GPR137B: variants seen among roughly 807,000 people sequenced by gnomAD.
GPR137B encodes G protein-coupled receptor 137B.
A neutral mutation model predicts 42.5 loss-of-function variants in GPR137B; 42 were observed. That is an observed-to-expected ratio of 0.99 (90% confidence interval 0.77 to 1.28). The LOEUF (loss-of-function observed/expected upper bound fraction) is 1.28. Ranked by LOEUF, GPR137B falls within the 50% of genes most tolerant of loss-of-function variation. GPR137B has a pLI of 0.00. For synonymous variants in GPR137B, 218 were observed against 209.7 expected (o/e 1.04, Z -0.34); for missense variants, 487 against 493.9 (o/e 0.99, Z 0.13).
intron 6 of GPR137B, among the ~76,000 whole-genome samples, chr1:236,206,429 T>C (rs901722624): frequency 6.6e-6 from 1 of 152,242 alleles, no homozygotes; most frequent in Admixed American, 6.5e-5. Context: ...GCTTATGTTA[T>C]ACTTTCACGT....
chr1:236,207,356 G>A (rs576749746), intron 6 of GPR137B: 1 of 689,400 alleles, frequency 1.5e-6, no homozygotes, highest in East Asian at 1.3e-4. Context: ...CTCAGATTCT[G>A]AGCTCCACCT....
intron 1 of GPR137B, among the ~76,000 whole-genome samples, chr1:236,145,835 T>A (rs944197564): frequency 2.0e-5 from 3 of 152,232 alleles, no homozygotes; most frequent in Non-Finnish European, 4.4e-5. Flanking sequence ...ACATCTGTGC[T>A]GTCTGAGTGT....
chr1:236,171,288 T>C lies in GPR137B; in HGVS notation c.464+2533T>C, dbSNP rs1186239025. 6.6e-6 allele frequency among the ~76,000 whole-genome samples: 1 copy of C among 152,164 alleles called. No homozygotes were observed. Among genetic ancestry groups the C allele is most frequent in the Admixed American group, 6.5e-5 (1 of 15,274 alleles). ...TTTTGGGTTAGGGATGGTCAACCTG[T>C]ATAAAGTACAAGTAGACAGTTCCCT... On this transcript the variant is annotated intron_variant, in intron 2 of 6. Coordinates refer to ENST00000366592, the MANE Select transcript of GPR137B (RefSeq NM_003272.4). The surrounding 1 kb of genome is among the most constrained non-coding windows in gnomAD (Gnocchi z 4.4).
chr1:236,160,394 T>A (rs1662152883), intron 1 of GPR137B, among the ~76,000 whole-genome samples: 1 of 151,866 alleles, frequency 6.6e-6, no homozygotes, highest in Non-Finnish European at 1.5e-5. Context: ...TTCCCCGGGG[T>A]CCCTGTCATT....
At position 236,150,993 on chromosome 1, in the gene GPR137B, C is replaced by T. The variant is rs1253969513; in HGVS notation, c.414+7957C>T. 6.6e-6 allele frequency among the ~76,000 whole-genome samples: 1 copy of T among 152,180 alleles called. No homozygotes were observed. The highest frequency in any genetic ancestry group is 1.5e-5 in the Non-Finnish European group (1 of 68,038). On this transcript the variant is annotated intron_variant, in intron 1 of 6. Coordinates refer to ENST00000366592, the MANE Select transcript of GPR137B (RefSeq NM_003272.4). This position sits in a 1 kb window ranked among gnomAD's most constrained non-coding sequence, Gnocchi z 6.2. ...GAGGAACATTTGCAAGATCCAAGAC[C>T]CTCTACAAAATCTCACTGCAAGCGT...
At position 236,178,502 on chromosome 1, in the gene GPR137B, T is replaced by G. The variant is rs1571988236; in HGVS notation, c.553T>G (p.Trp185Gly). 1 of 1,613,724 alleles carries G rather than the reference T, an allele frequency of 6.2e-7. No homozygotes were observed. Among genetic ancestry groups the G allele is most frequent in the East Asian group, 2.2e-5 (1 of 44,860 alleles). ...TGCTGTGCTGGTAAAGACGGGAAAT[T>G]GGGAGAGGAAGGTTATCGTCTCTGT... ...TCAVLVKTGN[W>G]ERKVIVSVRV... Residue 185 changes from tryptophan (W) to glycine (G), a missense_variant, in exon 3 of 7, where the codon TGG becomes GGG. By Grantham distance (184) the Trp-to-Gly change is radical (BLOSUM62 -2). Transcript: ENST00000366592.
At chr1:236,170,775 A>G (rs1662510818) in intron 2 of GPR137B, among the ~76,000 whole-genome samples, 1 of 152,132 alleles carries the variant, frequency 6.6e-6, no homozygotes, top group South Asian at 2.1e-4. Context: ...CAGGAGTTTG[A>G]GACCAGTCTG....
intron 5 of GPR137B, among the ~76,000 whole-genome samples, chr1:236,188,961 C>T (rs11586552): frequency 0.33 from 50,469 of 151,824 alleles, 8,976 homozygotes; most frequent in East Asian, 0.61. Flanking sequence ...GGACTTTTTT[C>T]GGTTGGTAGG....
rs969657368 is a variant in GPR137B, at chr1:236,155,542, C to T, written c.414+12506C>T. Among the ~76,000 whole-genome samples the T allele has an allele frequency of 6.6e-5, 10 of 151,998 alleles. No individual in the cohort carries two copies. Among genetic ancestry groups the T allele is most frequent in the Non-Finnish European group, 1.0e-4 (7 of 67,976 alleles). On this transcript the variant is annotated intron_variant, in intron 1 of 6. Coordinates refer to ENST00000366592, the MANE Select transcript of GPR137B (RefSeq NM_003272.4). This position sits in a 1 kb window ranked among gnomAD's most constrained non-coding sequence, Gnocchi z 4.6. ...AGGGTGTGGGTGGGAGGTGTGCTCT[C>T]TAGAGTCCCGTCTCCTCGCGGGCTG...
At chr1:236,176,827 GTC>G (rs1662703007) in intron 2 of GPR137B, among the ~76,000 whole-genome samples, 1 of 152,132 alleles carries the variant, frequency 6.6e-6, no homozygotes, top group Admixed American at 6.5e-5. Flanking sequence ...GAAATGGAGA[GTC>G]TCATTTTCCA....
At chr1:236,160,094 G>T (rs903783162) in intron 1 of GPR137B, among the ~76,000 whole-genome samples, 2 of 152,220 alleles carry the variant, frequency 1.3e-5, no homozygotes, top group Non-Finnish European at 2.9e-5. Flanking sequence ...AAACCGAAAG[G>T]AATTTGCCAT....
chr1:236,154,805 G>T (rs1379934557), intron 1 of GPR137B, among the ~76,000 whole-genome samples: 1 of 152,118 alleles, frequency 6.6e-6, no homozygotes, highest in East Asian at 1.9e-4. Context: ...AGGGCACGAT[G>T]GTACGACACT....
At chr1:236,152,446 A>G (rs1057102747) in intron 1 of GPR137B, among the ~76,000 whole-genome samples, 2 of 151,698 alleles carry the variant, frequency 1.3e-5, no homozygotes, top group Non-Finnish European at 2.9e-5. Context: ...TGGGTGATAG[A>G]GCGAGACCTG....
chr1:236,144,040 T>A (rs1366868086), intron 1 of GPR137B, among the ~76,000 whole-genome samples: 1 of 150,830 alleles, frequency 6.6e-6, no homozygotes, highest in Non-Finnish European at 1.5e-5. Context: ...AACTGTCGGA[T>A]GGGCAGAAAC....
rs1240698667 is a variant in GPR137B at position 236,193,009 on chromosome 1, C to G, written c.966+9103C>G. ...TCCTGGGTTCAAGCGATTCCCCTGC[C>G]TCAGACTCCCAAATAGCTGGGATTA... On this transcript the variant is annotated intron_variant, in intron 5 of 6. Transcript: ENST00000366592. Among the ~76,000 whole-genome samples, 5 of 152,068 alleles carry G rather than the reference C, an allele frequency of 3.3e-5. No homozygotes were observed. In the East Asian group the frequency reaches 9.7e-4, roughly 29 times the overall value.
chr1:236,155,289 G>A lies in GPR137B; in HGVS notation c.414+12253G>A, dbSNP rs930782552. 6.6e-6 allele frequency among the ~76,000 whole-genome samples: 1 copy of A among 152,222 alleles called. No individual in the cohort carries two copies. The highest frequency in any genetic ancestry group is 1.5e-5 in the Non-Finnish European group (1 of 68,038). On this transcript the variant is annotated intron_variant, in intron 1 of 6. Coordinates refer to ENST00000366592, the MANE Select transcript of GPR137B (RefSeq NM_003272.4). The surrounding 1 kb of genome is among the most constrained non-coding windows in gnomAD (Gnocchi z 4.6). Reference sequence around the variant, plus strand: ...AACTTCAAGTCATGGAGCTGTCAAAGTAGAAGCAGCTTAATGAATATTTGT... The same window carrying A: ...AACTTCAAGTCATGGAGCTGTCAAAATAGAAGCAGCTTAATGAATATTTGT...
intron 5 of GPR137B, among the ~76,000 whole-genome samples, chr1:236,193,670 T>C (rs1663259541): frequency 1.3e-5 from 2 of 152,236 alleles, no homozygotes; most frequent in South Asian, 4.1e-4. Context: ...GTATATCCTC[T>C]TTGGAGAAAT....
intron 5 of GPR137B, among the ~76,000 whole-genome samples, chr1:236,197,940 T>A (rs1308113333): frequency 6.6e-6 from 1 of 152,056 alleles, no homozygotes; most frequent in Non-Finnish European, 1.5e-5. Context: ...AGGCTGGTCT[T>A]GAACTCCTGA....
intron 2 of GPR137B, among the ~76,000 whole-genome samples, chr1:236,177,366 G>C (rs573108761): frequency 1.3e-5 from 2 of 151,670 alleles, no homozygotes; most frequent in Non-Finnish European, 2.9e-5. Context: ...CCTACCCACC[G>C]ACTTATCATC....
Sources: gnomAD v4.1 joint callset for allele counts (sites outside exome capture counted in the v4.1 genomes callset) on GRCh38, gnomAD v4.1.1 for gene constraint, Gnocchi (gnomAD v3.1) non-coding constraint, MANE v1.5 for transcripts, NCBI Gene and HGNC (gene_info 2026-07-23, HGNC 2026-07-21) for gene names.